Variants in ATAD2B observed in about 807,000 individuals in gnomAD.
ATAD2B encodes ATPase family AAA domain-containing protein 2B.
Under a neutral mutation model 167.6 loss-of-function variants are expected in ATAD2B, and 40 were observed. The ratio of observed to expected loss-of-function variants is 0.24; its 90% CI spans 0.19 to 0.31. The LOEUF (loss-of-function observed/expected upper bound fraction) is 0.31, where lower values mean the gene tolerates loss of function less well. Ranked by LOEUF, ATAD2B falls within the 10% of genes least tolerant of loss-of-function variation. ATAD2B has a pLI of 1.00. For synonymous variants in ATAD2B, 579 were observed against 596.5 expected (o/e 0.97, Z 0.43); for missense variants, 1,242 against 1,757.2 (o/e 0.71, Z 5.24).
intron 1 of ATAD2B, among the ~76,000 whole-genome samples, chr2:23,917,559 T>C (rs1703223134): frequency 6.6e-6 from 1 of 150,836 alleles, no homozygotes; most frequent in African/African-American, 2.4e-5. Context: ...AGTATACCTC[T>C]AATAGAGACC....
At chr2:23,835,270 G>A (rs1463903206) in intron 13 of ATAD2B, among the ~76,000 whole-genome samples, 3 of 152,132 alleles carry the variant, frequency 2.0e-5, no homozygotes, top group Non-Finnish European at 4.4e-5. Context: ...AAACCCAAAA[G>A]TCCATCAACT....
chr2:23,770,023 A>C (rs1325887619), intron 22 of ATAD2B, among the ~76,000 whole-genome samples: 1 of 151,248 alleles, frequency 6.6e-6, no homozygotes, highest in East Asian at 2.0e-4. Flanking sequence ...AAGATTAATG[A>C]GGTTGACCGG....
chr2:23,863,411 A>G lies in ATAD2B; in HGVS notation c.1449T>C (p.Ser483=). Residue 483 remains serine (S), a synonymous_variant, in exon 12 of 28, where the codon TCT becomes TCC. Coordinates refer to ENST00000238789, the MANE Select transcript of ATAD2B (RefSeq NM_017552.4). ...ADCLSKWVGE[S]ERQLRLLFDQ... ...CAAAAAGAAGCCTAAGTTGCCTTTC[A>G]GATTCACCAACCCACTTGCTCAAAC... 1 of 1,552,320 alleles carries G rather than the reference A, an allele frequency of 6.4e-7. No homozygotes were observed. The highest frequency in any genetic ancestry group is 8.7e-7 in the Non-Finnish European group (1 of 1,147,134).
At chr2:23,870,222 A>G (rs76998038) in intron 8 of ATAD2B, among the ~76,000 whole-genome samples, 1 of 145,830 alleles carries the variant, frequency 6.9e-6, no homozygotes, top group African/African-American at 2.5e-5. Flanking sequence ...AAAAAAAAAA[A>G]GGAGAATAGA....
chr2:23,687,756 G>A, the ATAD2B span, among the ~76,000 whole-genome samples: 1 of 152,308 alleles, frequency 6.6e-6, no homozygotes, highest in African/African-American at 2.4e-5. Flanking sequence ...TCGAAAGGCG[G>A]GAGGGGGTCT....
Position 23,749,060 on chromosome 2 carries a change from C to G in ATAD2B, c.*2986G>C, listed in dbSNP as rs1422881639. The stretch of plus-strand genomic sequence containing the variant: ...AGATACCTACTGAATAGCACCATAG[C>G]TGAACCAACTTAATCAAAAAAGGGA... On this transcript the variant is annotated 3_prime_UTR_variant, in exon 28 of 28. Coordinates refer to ENST00000238789, the MANE Select transcript of ATAD2B (RefSeq NM_017552.4). 1 of 151,952 alleles carries G rather than the reference C, an allele frequency of 6.6e-6. No homozygotes were observed. The highest frequency in any genetic ancestry group is 1.5e-5 in the Non-Finnish European group (1 of 67,966). 9.4% of individuals were successfully genotyped at this position (151,952 alleles called of 1,614,324 possible). A position where few individuals can be genotyped will look rare whatever the true frequency, so the allele number is the denominator to read the frequency against.
chr2:23,834,152 CTTTTTTT>C (rs11378615), intron 13 of ATAD2B, 74 bp from the exon 14 acceptor site: 94 of 119,630 alleles, frequency 7.9e-4, no homozygotes, highest in African/African-American at 3.1e-3. Context: ...ATCAGTCTTT[CTTTTTTT>C]TTTTTTTTTT....
At chr2:23,903,713 C>A (rs1701109494) in intron 1 of ATAD2B, among the ~76,000 whole-genome samples, 1 of 152,022 alleles carries the variant, frequency 6.6e-6, no homozygotes, top group African/African-American at 2.4e-5. Context: ...AATCTAAAAA[C>A]AAAAAGAATG....
intron 18 of ATAD2B, among the ~76,000 whole-genome samples, chr2:23,808,050 TAA>T (rs1360947183): frequency 7.6e-6 from 1 of 131,062 alleles, no homozygotes; most frequent in East Asian, 2.0e-4. Context: ...TATTTATATA[TAA>T]GTAACTATAA....
the ATAD2B span, among the ~76,000 whole-genome samples, chr2:23,739,893 C>A: frequency 2.0e-5 from 3 of 152,124 alleles, no homozygotes; most frequent in African/African-American, 7.2e-5. Flanking sequence ...CACAGAAATA[C>A]AAACTACCAT....
At chr2:23,890,626 G>A (rs1276225743) in intron 2 of ATAD2B, among the ~76,000 whole-genome samples, 1 of 152,174 alleles carries the variant, frequency 6.6e-6, no homozygotes, top group Non-Finnish European at 1.5e-5. Context: ...AGCTTGATCA[G>A]TTTATTCACA....
chr2:23,711,382 T>C, the ATAD2B span, among the ~76,000 whole-genome samples: 2 of 83,804 alleles, frequency 2.4e-5, no homozygotes, highest in African/African-American at 8.8e-5. Context: ...TTTTTTTTTT[T>C]GGAGACAGAG....
intron 13 of ATAD2B, among the ~76,000 whole-genome samples, chr2:23,850,159 T>G (rs867150743): frequency 7.2e-6 from 1 of 139,158 alleles, no homozygotes; most frequent in Non-Finnish European, 1.6e-5. Context: ...AAAAAAAAAA[T>G]GACTTTAAGA....
At chr2:23,706,848 G>A in the ATAD2B span, 5 of 525,092 alleles carry the variant, frequency 9.5e-6, no homozygotes, top group East Asian at 3.4e-5. Context: ...TGGATGAAAC[G>A]GAGGCACCGC....
intron 23 of ATAD2B, among the ~76,000 whole-genome samples, chr2:23,765,251 T>C (rs555417683): frequency 6.6e-6 from 1 of 152,344 alleles, no homozygotes; most frequent in African/African-American, 2.4e-5. Context: ...AAAAAAGATA[T>C]ACTCCTACAA....
chr2:23,687,866 T>TG, the ATAD2B span, among the ~76,000 whole-genome samples: 2 of 152,088 alleles, frequency 1.3e-5, no homozygotes, highest in Admixed American at 1.3e-4. Context: ...CACAGGAGCC[T>TG]GGGGGCGTTG....
intron 18 of ATAD2B, among the ~76,000 whole-genome samples, chr2:23,801,083 T>G (rs1302986708): frequency 9.2e-5 from 14 of 152,148 alleles, no homozygotes; most frequent in Non-Finnish European, 2.1e-4. Flanking sequence ...AATTCCTTAT[T>G]CTATGTTATC....
chr2:23,732,444 A>C, the ATAD2B span, among the ~76,000 whole-genome samples: 1 of 152,214 alleles, frequency 6.6e-6, no homozygotes, highest in Middle Eastern at 3.2e-3. Flanking sequence ...AAAAGATTTC[A>C]ATTGGAGTAG....
intron 18 of ATAD2B, among the ~76,000 whole-genome samples, chr2:23,806,930 A>G (rs1387238873): frequency 6.6e-6 from 1 of 152,208 alleles, no homozygotes; most frequent in Non-Finnish European, 1.5e-5. Context: ...AAAGAAATTT[A>G]GCACAGTAAT....
Sources: gnomAD v4.1 joint callset for allele counts (sites outside exome capture counted in the v4.1 genomes callset) on GRCh38, gnomAD v4.1.1 for gene constraint, MANE v1.5 for transcripts, NCBI Gene and HGNC (gene_info 2026-07-23, HGNC 2026-07-21) for gene names.